Variants in MAP3K14 observed in about 807,000 individuals in gnomAD.
MAP3K14 encodes the protein NF-kappa-beta-inducing kinase.
Under a neutral mutation model 99.2 loss-of-function variants are expected in MAP3K14, and 16 were observed. The ratio of observed to expected loss-of-function variants is 0.16; its 90% CI spans 0.11 to 0.24. MAP3K14 has a LOEUF of 0.24. Among genes scored for constraint, MAP3K14 ranks in the 10% least tolerant of loss-of-function variants. The pLI, the probability that MAP3K14 is intolerant of heterozygous loss-of-function variation, is 1.00. For synonymous variants in MAP3K14, 462 were observed against 492.4 expected (o/e 0.94, Z 0.82); for missense variants, 784 against 1,208.7 (o/e 0.65, Z 5.21).
chr17:45,285,591 A>C (rs1287527464), intron 5 of MAP3K14, among the ~76,000 whole-genome samples: 1 of 152,024 alleles, frequency 6.6e-6, no homozygotes, highest in Non-Finnish European at 1.5e-5. Flanking sequence ...GTGCCACTAC[A>C]CTCCAGCCTG....
chr17:45,307,813 A>G (rs888935074), intron 1 of MAP3K14, among the ~76,000 whole-genome samples: 7 of 152,246 alleles, frequency 4.6e-5, no homozygotes, highest in African/African-American at 1.7e-4. Flanking sequence ...GAACTTCAGA[A>G]TAAACAAGAA....
chr17:45,264,664 T>A lies in MAP3K14; in HGVS notation c.2816A>T (p.Lys939Met), dbSNP rs1322364717. 6.3e-7 allele frequency: 1 copy of A among 1,592,608 alleles called. No homozygotes were observed. Among genetic ancestry groups the A allele is most frequent in the Admixed American group, 1.8e-5 (1 of 56,672 alleles). Residue 939 changes from lysine to methionine, a missense_variant, in exon 16 of 16, where the codon AAG becomes ATG. Lys to Met is a moderately conservative substitution (Grantham distance 95). Coordinates refer to ENST00000344686, the MANE Select transcript of MAP3K14 (RefSeq NM_003954.5). ...DGSFAWSWRVKHGQLENRP is the reference protein window; with the variant it reads ...DGSFAWSWRVMHGQLENRP ...GGGCCTGTTCTCCAGCTGGCCATGC[T>A]TGACCCTCCAGCTCCAGGCGAAGCT...
chr17:45,267,336 GAA>G lies in MAP3K14; in HGVS notation c.2326+68_2326+69del. 1 of 1,495,668 alleles carries G rather than the reference GAA, an allele frequency of 6.7e-7. No individual in the cohort carries two copies. The highest frequency in any genetic ancestry group is 9.1e-7 in the Non-Finnish European group (1 of 1,100,960). The allele number at this position is 1,495,668 out of a possible 1,614,324, so 92.6% of individuals were successfully genotyped here. A position where few individuals can be genotyped will look rare whatever the true frequency, so the allele number is the denominator to read the frequency against. On this transcript the variant is annotated intron_variant, in intron 12 of 15. Coordinates refer to ENST00000344686, the MANE Select transcript of MAP3K14 (RefSeq NM_003954.5). This position sits in a 1 kb window ranked among gnomAD's most constrained non-coding sequence, Gnocchi z 5.1. ...AGAAAGCCCACACCGCAGGTAAAGAGAAACACCGGCCTCCGCGGGTGGCCCAG... is the reference window on the plus strand; with the variant it reads ...AGAAAGCCCACACCGCAGGTAAAGAGACACCGGCCTCCGCGGGTGGCCCAG...
At chr17:45,271,931 G>T (rs1243187518) in intron 9 of MAP3K14, among the ~76,000 whole-genome samples, 1 of 152,162 alleles carries the variant, frequency 6.6e-6, no homozygotes, top group Non-Finnish European at 1.5e-5. Context: ...ACTTATATGC[G>T]TAAAAGACTG....
chr17:45,296,725 C>A (rs2044348933), intron 1 of MAP3K14, among the ~76,000 whole-genome samples: 1 of 152,208 alleles, frequency 6.6e-6, no homozygotes, highest in African/African-American at 2.4e-5. Context: ...CCTTCACTTG[C>A]CCGAGCAGGG....
chr17:45,269,684 C>T (rs895995932), intron 11 of MAP3K14, among the ~76,000 whole-genome samples: 2 of 152,180 alleles, frequency 1.3e-5, no homozygotes, highest in African/African-American at 2.4e-5. Flanking sequence ...CCAAGAAGAC[C>T]GGGTTCAGAG....
At chr17:45,314,107 C>T (rs767735170) in intron 1 of MAP3K14, among the ~76,000 whole-genome samples, 19 of 152,078 alleles carry the variant, frequency 1.2e-4, no homozygotes, top group African/African-American at 3.9e-4. Context: ...AAGAGCACAC[C>T]GGCCACTGAA....
chr17:45,314,619 GAA>G (rs1018236244), intron 1 of MAP3K14, among the ~76,000 whole-genome samples: 1 of 139,720 alleles, frequency 7.2e-6, no homozygotes, highest in African/African-American at 2.6e-5. Flanking sequence ...CTTTTGCCAG[GAA>G]AAAAAAAAAA....
chr17:45,303,623 T>C (rs2044407422), intron 1 of MAP3K14, among the ~76,000 whole-genome samples: 1 of 152,004 alleles, frequency 6.6e-6, no homozygotes, highest in Non-Finnish European at 1.5e-5. Context: ...AACAAAATTG[T>C]ATATAGAAAA....
chr17:45,279,080 C>T (rs1416408116), intron 6 of MAP3K14, among the ~76,000 whole-genome samples: 1 of 152,238 alleles, frequency 6.6e-6, no homozygotes, highest in Admixed American at 6.5e-5. Context: ...TGCCTGCACA[C>T]TGAACACTGG....
chr17:45,292,951 T>C (rs2044322000), intron 1 of MAP3K14, among the ~76,000 whole-genome samples: 1 of 152,168 alleles, frequency 6.6e-6, no homozygotes, highest in Non-Finnish European at 1.5e-5. Flanking sequence ...CTTTAGGCTA[T>C]GATGCCCACT....
Position 45,272,663 on chromosome 17 carries a change from G to C in MAP3K14, c.1657+840C>G, listed in dbSNP as rs754830120. On this transcript the variant is annotated intron_variant, in intron 9 of 15. Coordinates refer to ENST00000344686, the MANE Select transcript of MAP3K14 (RefSeq NM_003954.5). This position sits in a 1 kb window ranked among gnomAD's most constrained non-coding sequence, Gnocchi z 4.1. ...ATTTAAAATATTCATGATTCGGCCG[G>C]GCACGGAGGCTCATGCCTGTAATTC... is the stretch of plus-strand genomic sequence containing the variant. Among the ~76,000 whole-genome samples, 2 of 152,116 alleles carry C rather than the reference G, an allele frequency of 1.3e-5. No homozygotes were observed. The highest frequency in any genetic ancestry group is 2.4e-5 in the African/African-American group (1 of 41,390).
chr17:45,293,613 G>T (rs1439742747), intron 1 of MAP3K14, among the ~76,000 whole-genome samples: 1 of 152,228 alleles, frequency 6.6e-6, no homozygotes, highest in Non-Finnish European at 1.5e-5. Context: ...AACTTGTGAA[G>T]GACATGGGGA....
intron 11 of MAP3K14, 69 bp downstream of exon 11, chr17:45,270,344 G>A (rs1430140037): frequency 7.1e-6 from 11 of 1,545,146 alleles, no homozygotes; most frequent in African/African-American, 1.4e-5. Flanking sequence ...CTGGACCTGC[G>A]CCCACCTGCC....
In MAP3K14 at chr17:45,264,599, G is replaced by A. The variant is rs1372551002; in HGVS notation, c.*37C>T. On this transcript the variant is annotated 3_prime_UTR_variant, in exon 16 of 16. Transcript: ENST00000344686. ...GCATCGTGCACCGAGCAGGAAGGCT[G>A]CTTCCGGCAGTGTGGAGCCGGCGGT... is the stretch of plus-strand genomic sequence containing the variant. The A allele has an allele frequency of 1.3e-6, 2 of 1,535,642 alleles. No homozygotes were observed. The highest frequency in any genetic ancestry group is 1.2e-5 in the South Asian group (1 of 82,096).
chr17:45,298,471 A>AG (rs2044362397), intron 1 of MAP3K14, among the ~76,000 whole-genome samples: 1 of 152,256 alleles, frequency 6.6e-6, no homozygotes, highest in Non-Finnish European at 1.5e-5. Context: ...AAAATTATCC[A>AG]GAAAAGTTGG....
At chr17:45,310,462 A>G (rs904354745) in intron 1 of MAP3K14, among the ~76,000 whole-genome samples, 1 of 152,162 alleles carries the variant, frequency 6.6e-6, no homozygotes, top group Non-Finnish European at 1.5e-5. Context: ...GGCCCAGTAA[A>G]AGGAAACTTT....
At chr17:45,305,895 C>G (rs1042365686) in intron 1 of MAP3K14, among the ~76,000 whole-genome samples, 6 of 152,192 alleles carry the variant, frequency 3.9e-5, no homozygotes, top group African/African-American at 1.4e-4. Flanking sequence ...ATTCTGCACA[C>G]CCCATCTGGC....
chr17:45,277,974 TGGAA>T (rs1265459457), intron 6 of MAP3K14, among the ~76,000 whole-genome samples: 54 of 152,196 alleles, frequency 3.5e-4, no homozygotes, highest in African/African-American at 1.2e-3. Context: ...GGTTTGGAAA[TGGAA>T]GGACCCTTTT....
Sources: gnomAD v4.1 joint callset for allele counts (sites outside exome capture counted in the v4.1 genomes callset) on GRCh38, gnomAD v4.1.1 for gene constraint, Gnocchi (gnomAD v3.1) non-coding constraint, MANE v1.5 for transcripts, NCBI Gene and HGNC (gene_info 2026-07-23, HGNC 2026-07-21) for gene names.